ANO4: variants seen among roughly 807,000 people sequenced by gnomAD.
ANO4 encodes anoctamin 4, also known as anoctamin-4.
In ANO4, 69 loss-of-function variants were observed where a neutral mutation model predicts 141.9. That is an observed-to-expected ratio of 0.49 (90% CI 0.40 to 0.59). ANO4 has a LOEUF of 0.59. Among genes scored for constraint, ANO4 ranks in the 20% least tolerant of loss-of-function variants. The probability of loss-of-function intolerance (pLI) is 0.00; values close to 1 mark genes in which losing one functional copy is unlikely to be tolerated. For missense variants in ANO4, 894 were observed against 1,162.2 expected, an observed-to-expected ratio of 0.77 and a Z score of 3.36; for synonymous variants, 350 against 394.3, an observed-to-expected ratio of 0.89 and a Z score of 1.33.
intron 3 of ANO4, among the ~76,000 whole-genome samples, chr12:100,779,291 C>T (rs562865670): frequency 3.3e-5 from 5 of 152,300 alleles, no homozygotes; most frequent in African/African-American, 7.2e-5. Flanking sequence ...TGAAGCTCCC[C>T]TCTGTAGTAG....
intron 5 of ANO4, among the ~76,000 whole-genome samples, chr12:100,955,853 A>G (rs1182457988): frequency 6.6e-6 from 1 of 152,184 alleles, no homozygotes; most frequent in Non-Finnish European, 1.5e-5. Flanking sequence ...ATGGGAAACA[A>G]CATAAACGAT....
chr12:100,732,125 A>G (rs1189161661), intron 1 of ANO4, among the ~76,000 whole-genome samples: 1 of 151,876 alleles, frequency 6.6e-6, no homozygotes, highest in East Asian at 1.9e-4. Flanking sequence ...TGATTGCTGG[A>G]TGGTATGGTA....
intron 25 of ANO4, among the ~76,000 whole-genome samples, chr12:101,120,151 G>T (rs1009636080): frequency 6.6e-6 from 1 of 152,044 alleles, no homozygotes; most frequent in Non-Finnish European, 1.5e-5. Context: ...TCTCAAGCAG[G>T]CTCTCTCTCT....
At chr12:100,849,629 T>G (rs1178472752) in intron 1 of ANO4, among the ~76,000 whole-genome samples, 1 of 152,234 alleles carries the variant, frequency 6.6e-6, no homozygotes, top group Non-Finnish European at 1.5e-5. Flanking sequence ...ATATTCCAAT[T>G]CATTTTACTA....
intron 8 of ANO4, among the ~76,000 whole-genome samples, chr12:100,988,628 T>G (rs1434176705): frequency 6.6e-6 from 1 of 150,818 alleles, no homozygotes; most frequent in East Asian, 1.9e-4. Flanking sequence ...ATACCTGCAC[T>G]TTGGGAGGCA....
chr12:100,814,840 C>G (rs1349652177), intron 1 of ANO4, among the ~76,000 whole-genome samples: 2 of 152,058 alleles, frequency 1.3e-5, no homozygotes, highest in Admixed American at 1.3e-4. Context: ...TTGACATTAT[C>G]TCCTGATGGG....
chr12:100,728,297 A>T (rs1048020409), intron 1 of ANO4, among the ~76,000 whole-genome samples: 1 of 152,242 alleles, frequency 6.6e-6, no homozygotes, highest in Admixed American at 6.5e-5. Flanking sequence ...GATAAATAAA[A>T]TGTGTGTAGT....
intron 5 of ANO4, among the ~76,000 whole-genome samples, chr12:100,962,596 C>G (rs911792099): frequency 4.6e-5 from 7 of 152,162 alleles, no homozygotes; most frequent in African/African-American, 1.7e-4. Flanking sequence ...AGCTCAAGGT[C>G]CTCTCGCATA....
chr12:101,082,940 T>C lies in ANO4; in HGVS notation c.1396-738T>C, dbSNP rs377598962. On this transcript the variant is annotated intron_variant, in intron 15 of 27. Transcript: ENST00000392977. ...ACATCAGGTTCCCTTGCTGATTGCC[T>C]TTTCCTAATCTCATAATTGGTTTTT... Among the ~76,000 whole-genome samples the C allele has an allele frequency of 7.2e-5, 11 of 152,332 alleles. No homozygotes were observed. In the East Asian group the frequency reaches 2.1e-3, roughly 29 times the overall value.
At chr12:101,087,415 T>G (rs2049551510) in intron 17 of ANO4, among the ~76,000 whole-genome samples, 1 of 151,838 alleles carries the variant, frequency 6.6e-6, no homozygotes, top group African/African-American at 2.4e-5. Context: ...CCAGCTGCTT[T>G]GTGGGGCTGA....
rs2044101239 is a variant in ANO4 at position 100,975,036 on chromosome 12, T to C, written c.602+147T>C. On this transcript the variant is annotated intron_variant, in intron 7 of 27. Transcript: ENST00000392977. ...TGCACATTTTAAAATCAGCTGTGTC[T>C]GATTAGCCTGAGGAGAAAAAAAGAT... 17 of 895,964 alleles carry C rather than the reference T, an allele frequency of 1.9e-5. No individual in the cohort carries two copies. In the South Asian group the frequency reaches 2.4e-4, roughly 13 times the overall value. 55.5% of individuals were successfully genotyped at this position (895,964 alleles called of 1,614,324 possible). A position where few individuals can be genotyped will look rare whatever the true frequency, so the allele number is the denominator to read the frequency against.
At chr12:100,966,507 C>T (rs533114602) in intron 5 of ANO4, among the ~76,000 whole-genome samples, 23 of 152,250 alleles carry the variant, frequency 1.5e-4, no homozygotes, top group African/African-American at 4.8e-4. Flanking sequence ...CCATAGTGGC[C>T]TCTACCAGCC....
intron 9 of ANO4, among the ~76,000 whole-genome samples, 196 bp downstream of exon 9, chr12:101,020,336 T>C (rs907188350): frequency 2.0e-5 from 3 of 152,222 alleles, no homozygotes; most frequent in African/African-American, 7.2e-5. Context: ...TAGCATGTTG[T>C]CTCATTTGTC....
chr12:101,010,269 TCTTTA>T (rs753416381), intron 8 of ANO4, among the ~76,000 whole-genome samples: 50 of 152,296 alleles, frequency 3.3e-4, no homozygotes, highest in Admixed American at 1.1e-3. Flanking sequence ...TAATTTTCCA[TCTTTA>T]CTTGGAAGCT....
At chr12:100,786,088 C>T (rs553715275) in intron 3 of ANO4, among the ~76,000 whole-genome samples, 73 of 152,158 alleles carry the variant, frequency 4.8e-4, no homozygotes, top group Non-Finnish European at 7.6e-4. Context: ...AGCAATGGCA[C>T]ACTAGCTAAT....
intron 22 of ANO4, among the ~76,000 whole-genome samples, chr12:101,102,590 A>G (rs1449954922): frequency 6.6e-6 from 1 of 151,594 alleles, no homozygotes; most frequent in African/African-American, 2.4e-5. Flanking sequence ...TATATTCTGG[A>G]TATCAATTAT....
At chr12:100,742,443 A>G (rs966154031) in intron 3 of ANO4, among the ~76,000 whole-genome samples, 1 of 152,102 alleles carries the variant, frequency 6.6e-6, no homozygotes, top group African/African-American at 2.4e-5. Context: ...TTCTTTTGCT[A>G]GTTAAAAGAA....
At chr12:100,876,290 A>AAAAAAC (rs1555236569) in intron 1 of ANO4, among the ~76,000 whole-genome samples, 2 of 151,574 alleles carry the variant, frequency 1.3e-5, no homozygotes, top group African/African-American at 4.9e-5. Flanking sequence ...AAAAAAAAAA[A>AAAAAAC]AAAAAACAGT....
chr12:101,106,635 T>C (rs2136996981), intron 22 of ANO4, among the ~76,000 whole-genome samples: 1 of 149,382 alleles, frequency 6.7e-6, no homozygotes, highest in East Asian at 2.0e-4. Context: ...ATGTCAGCAA[T>C]TGTCTCTATG....
Sources: allele counts gnomAD v4.1 joint callset (sites outside exome capture counted in the v4.1 genomes callset), GRCh38; gene constraint gnomAD v4.1.1; transcripts MANE v1.5; gene names NCBI Gene and HGNC (gene_info 2026-07-23, HGNC 2026-07-21).